The following FRMD6 variants were observed in gnomAD, a reference collection of about 807,000 sequenced individuals.
The protein encoded by FRMD6 is FERM domain-containing protein 6.
A neutral mutation model predicts 73.2 loss-of-function variants in FRMD6; 37 were observed. That is an observed-to-expected ratio of 0.51 (90% CI 0.39 to 0.66). The LOEUF is 0.66. Among genes scored for constraint, FRMD6 ranks in the 30% least tolerant of loss-of-function variants. The pLI is 0.00. For synonymous variants in FRMD6, 273 were observed against 282.2 expected (o/e 0.97, Z 0.33); for missense variants, 714 against 780.5 (o/e 0.91, Z 1.02).
At chr14:51,542,861 A>G (rs1346881308) in intron 1 of FRMD6, among the ~76,000 whole-genome samples, 2 of 152,026 alleles carry the variant, frequency 1.3e-5, no homozygotes, top group Admixed American at 6.6e-5. Context: ...CATTTTCCTA[A>G]TGACTAGTGA....
At chr14:51,596,288 T>G (rs1170878262) in intron 2 of FRMD6, among the ~76,000 whole-genome samples, 1 of 148,004 alleles carries the variant, frequency 6.8e-6, no homozygotes, top group African/African-American at 2.5e-5. Context: ...TATGGGTATG[T>G]GTGAAATTCC....
intron 1 of FRMD6, among the ~76,000 whole-genome samples, chr14:51,554,497 C>G (rs1887018702): frequency 6.6e-6 from 1 of 152,184 alleles, no homozygotes; most frequent in African/African-American, 2.4e-5. Flanking sequence ...TGCTCAAGAT[C>G]ACCAGCACAG....
intron 12 of FRMD6, among the ~76,000 whole-genome samples, chr14:51,722,589 T>G (rs193067103): frequency 1.1e-3 from 161 of 152,316 alleles, no homozygotes; most frequent in Non-Finnish European, 1.8e-3. Flanking sequence ...AAAAAGACAC[T>G]CTTAAATTCC....
At chr14:51,471,905 G>C in the FRMD6 span, among the ~76,000 whole-genome samples, 1 of 152,048 alleles carries the variant, frequency 6.6e-6, no homozygotes, top group South Asian at 2.1e-4. Context: ...CCTTATAAAG[G>C]GCTGGAGGAG....
At chr14:51,446,905 C>T in the FRMD6 span, among the ~76,000 whole-genome samples, 2 of 152,148 alleles carry the variant, frequency 1.3e-5, no homozygotes, top group East Asian at 3.8e-4. Context: ...TCATGACGAC[C>T]TAGGCTGTGA....
chr14:51,669,120 C>T (rs1594698257), intron 1 of FRMD6, among the ~76,000 whole-genome samples: 1 of 152,300 alleles, frequency 6.6e-6, no homozygotes, highest in South Asian at 2.1e-4. Flanking sequence ...CAAAAAGTTT[C>T]CTACAGCTCC....
chr14:51,479,937 G>T, the FRMD6 span, among the ~76,000 whole-genome samples: 1 of 152,108 alleles, frequency 6.6e-6, no homozygotes, highest in Non-Finnish European at 1.5e-5. Flanking sequence ...AATAGAGAGG[G>T]TGGGGTGTGA....
At chr14:51,452,367 T>A in the FRMD6 span, among the ~76,000 whole-genome samples, 1 of 152,188 alleles carries the variant, frequency 6.6e-6, no homozygotes, top group African/African-American at 2.4e-5. Flanking sequence ...TCCCACATCC[T>A]CAGAAGCCCT....
At chr14:51,616,319 T>C (rs564569393) in intron 2 of FRMD6, among the ~76,000 whole-genome samples, 5 of 152,286 alleles carry the variant, frequency 3.3e-5, no homozygotes, top group African/African-American at 1.2e-4. Context: ...GAATACAATT[T>C]AAGTGTTCTA....
At chr14:51,508,132 G>A (rs1035331284) in intron 1 of FRMD6, among the ~76,000 whole-genome samples, 9 of 152,158 alleles carry the variant, frequency 5.9e-5, no homozygotes, top group Admixed American at 1.3e-4. Flanking sequence ...CCTTGGCCCG[G>A]GCAATGAGCA....
At chr14:51,441,026 GT>G in the FRMD6 span, among the ~76,000 whole-genome samples, 1 of 152,194 alleles carries the variant, frequency 6.6e-6, no homozygotes, top group Admixed American at 6.5e-5. Context: ...CTTGATACCT[GT>G]TGTGGCAAAT....
chr14:51,644,593 G>T (rs566402152), intron 2 of FRMD6, among the ~76,000 whole-genome samples: 1 of 152,282 alleles, frequency 6.6e-6, no homozygotes, highest in African/African-American at 2.4e-5. Context: ...AGTAAAATGT[G>T]CTATAAAAAT....
rs548546331 is a variant in FRMD6 at position 51,602,102 on chromosome 14, G to C, written c.-147+31692G>C. Among the ~76,000 whole-genome samples, 6 of 152,310 alleles carry C rather than the reference G, an allele frequency of 3.9e-5. No individual in the cohort carries two copies. The South Asian group carries it at 1.2e-3, about 32-fold the overall frequency. On this transcript the variant is annotated intron_variant, in intron 2 of 14. Coordinates refer to the FRMD6 transcript ENST00000356218. ...TTAAATGGAAATTCTCAAAGGGAGA[G>C]TTGATCCCCACTAATCACTCTTTAA...
the FRMD6 span, among the ~76,000 whole-genome samples, chr14:51,412,892 A>C: frequency 0.18 from 27,161 of 152,074 alleles, 2,720 homozygotes; most frequent in Middle Eastern, 0.26. Context: ...CACAGACAAA[A>C]ATGGGACAGA....
intron 7 of FRMD6, among the ~76,000 whole-genome samples, chr14:51,709,086 C>T (rs775842636): frequency 3.3e-5 from 5 of 152,090 alleles, no homozygotes; most frequent in Non-Finnish European, 5.9e-5. Flanking sequence ...CCATAAGTGC[C>T]ACTTTGTTGG....
chr14:51,692,872 T>C (rs1895697884), intron 2 of FRMD6: 1 of 152,108 alleles, frequency 6.6e-6, no homozygotes, highest in African/African-American at 2.4e-5. Context: ...TGAGGCAGGA[T>C]GCAAGCATCT....
At chr14:51,529,907 T>A (rs1885486111) in intron 1 of FRMD6, among the ~76,000 whole-genome samples, 2 of 152,174 alleles carry the variant, frequency 1.3e-5, no homozygotes, top group East Asian at 3.8e-4. Flanking sequence ...GTGACAAGAA[T>A]CTAAGAGAGA....
chr14:51,654,104 A>C lies in FRMD6; in HGVS notation c.-147+2108A>C, dbSNP rs531611355. On this transcript the variant is annotated intron_variant, in intron 1 of 13. Transcript: ENST00000344768. ...TTTCCAGTATCTCCTTTTTGGGGGC[A>C]ACAAGGGTAAGCTGCTAGTTTTAAG... Among the ~76,000 whole-genome samples the C allele has an allele frequency of 5.9e-5, 9 of 152,276 alleles. 1 individual carries two copies. In the South Asian group the frequency reaches 1.9e-3, roughly 32 times the overall value.
At chr14:51,659,754 A>G (rs1566539414) in intron 1 of FRMD6, among the ~76,000 whole-genome samples, 1 of 152,146 alleles carries the variant, frequency 6.6e-6, no homozygotes, top group South Asian at 2.1e-4. Flanking sequence ...TGTTCCCTGT[A>G]TGGCTTCATG....
Sources: gnomAD v4.1 joint callset for allele counts (sites outside exome capture counted in the v4.1 genomes callset) on GRCh38, gnomAD v4.1.1 for gene constraint, MANE v1.5 for transcripts, NCBI Gene and HGNC (gene_info 2026-07-23, HGNC 2026-07-21) for gene names.